The following AP3M2 variants were observed in gnomAD, a reference collection of about 807,000 sequenced individuals.
The protein encoded by AP3M2 is adaptor related protein complex 3 subunit mu 2.
A neutral mutation model predicts 41.6 loss-of-function variants in AP3M2; 28 were observed. The observed-to-expected ratio is 0.67, with a 90% confidence interval of 0.50 to 0.92. AP3M2 has a LOEUF of 0.92. Ranked by LOEUF, AP3M2 falls within the 40% of genes least tolerant of loss-of-function variation. The pLI, the probability that AP3M2 is intolerant of heterozygous loss-of-function variation, is 0.00. For missense variants in AP3M2, 427 were observed against 521.4 expected (o/e 0.82, Z 1.76); for synonymous variants, 193 against 186.4 (o/e 1.04, Z -0.29).
chr8:42,160,459 A>G (rs997685047), intron 3 of AP3M2, among the ~76,000 whole-genome samples: 5 of 152,186 alleles, frequency 3.3e-5, no homozygotes, highest in African/African-American at 1.2e-4. Flanking sequence ...AATATGGAAA[A>G]AATTAAGTCC....
At chr8:42,165,279 A>C in intron 5 of AP3M2, 123 bp downstream of exon 5, 1 of 1,438,706 alleles carries the variant, frequency 7.0e-7, no homozygotes, top group South Asian at 1.3e-5. Flanking sequence ...AGCTTGTCTC[A>C]GGCTTGAATT....
chr8:42,156,040 G>A lies in AP3M2; in HGVS notation c.273+1080G>A, dbSNP rs569579234. On this transcript the variant is annotated intron_variant, in intron 2 of 8. Transcript: ENST00000396926. The stretch of plus-strand genomic sequence containing the variant: ...ACCGGCCCCTTTGCACAGTGAAAAC[G>A]TAAGTATAAGTCCCAGTATGTGGAA... 5.4e-5 allele frequency: 19 copies of A among 351,416 alleles called. No individual in the cohort carries two copies. In the East Asian group the frequency reaches 7.3e-4, roughly 14 times the overall value. 21.8% of individuals were successfully genotyped at this position (351,416 alleles called of 1,614,324 possible). A position where few individuals can be genotyped will look rare whatever the true frequency, so the allele number is the denominator to read the frequency against.
chr8:42,166,934 T>G (rs1055101847), intron 6 of AP3M2: 2 of 525,608 alleles, frequency 3.8e-6, no homozygotes, highest in Non-Finnish European at 6.8e-6. Flanking sequence ...TGATTTTGTT[T>G]GTATTATTCA....
At position 42,161,073 on chromosome 8, in the gene AP3M2, C is replaced by T. The variant is rs143734891; in HGVS notation, c.446-1208C>T. ...TATCCAATACTTTAGGAGGCTGAGG[C>T]GGGAGGATCACTCATGCACAGGAGT... On this transcript the variant is annotated intron_variant, in intron 3 of 8. Transcript: ENST00000396926. Among the ~76,000 whole-genome samples the T allele has an allele frequency of 3.3e-3, 503 of 152,164 alleles. 8 individuals are homozygous for T. Among genetic ancestry groups the T allele is most frequent in the African/African-American group, 0.011 (473 of 41,514 alleles).
chr8:42,163,022 C>T (rs1022433224), intron 4 of AP3M2, among the ~76,000 whole-genome samples: 5 of 148,896 alleles, frequency 3.4e-5, no homozygotes, highest in African/African-American at 4.9e-5. Context: ...AAGTATTTGG[C>T]TCCCAGTTCT....
intron 4 of AP3M2, among the ~76,000 whole-genome samples, chr8:42,163,940 G>C (rs562318419): frequency 6.6e-6 from 1 of 152,210 alleles, no homozygotes; most frequent in Non-Finnish European, 1.5e-5. Context: ...AAGGAGGGCA[G>C]ATGTGAGTGA....
In AP3M2 at chr8:42,165,458, A is replaced by G. The variant is rs1804613843; in HGVS notation, c.701A>G (p.His234Arg). The change falls in exon 6 of 9, where the codon CAT becomes CGT. Residue 234 changes from histidine (H) to arginine (R), a missense_variant. Coordinates refer to ENST00000396926, the MANE Select transcript of AP3M2 (RefSeq NM_006803.4). ...NPRLLDDVSF[H>R]PCVRFKRWES... ...AGGTTGTTGGATGATGTCAGCTTCC[A>G]TCCTTGTGTTCGTTTCAAACGCTGG... 1 of 1,614,006 alleles carries G rather than the reference A, an allele frequency of 6.2e-7. No homozygotes were observed. Among genetic ancestry groups the G allele is most frequent in the African/African-American group, 1.3e-5 (1 of 74,904 alleles).
At position 42,170,219 on chromosome 8, in the gene AP3M2, G is replaced by A. The variant is rs912315645; in HGVS notation, c.*1158G>A. 6 of 152,164 alleles carry A rather than the reference G, an allele frequency of 3.9e-5. No homozygotes were observed. The highest frequency in any genetic ancestry group is 1.2e-4 in the African/African-American group (5 of 41,432). The allele number at this position is 152,164 out of a possible 1,614,324, so 9.4% of individuals were successfully genotyped here. A position where few individuals can be genotyped will look rare whatever the true frequency, so the allele number is the denominator to read the frequency against. ...GTGTGGTTGATCCTTGAAGCTGCTT[G>A]GTAAAGTTATCATTTCCTCAGTCTT... On this transcript the variant is annotated 3_prime_UTR_variant, in exon 9 of 9. Coordinates refer to ENST00000396926, the MANE Select transcript of AP3M2 (RefSeq NM_006803.4).
At chr8:42,162,971 A>AG (rs1804548265) in intron 4 of AP3M2, among the ~76,000 whole-genome samples, 1 of 146,938 alleles carries the variant, frequency 6.8e-6, no homozygotes, top group Non-Finnish European at 1.5e-5. Context: ...AAAAAAAAAA[A>AG]GTAACAAATT....
At chr8:42,158,209 A>G in intron 3 of AP3M2, 97 bp downstream of exon 3, 1 of 1,257,096 alleles carries the variant, frequency 8.0e-7, no homozygotes. Context: ...GTCTTTGGGG[A>G]TCTCAGGTGT....
At chr8:42,160,463 T>G (rs181083354) in intron 3 of AP3M2, among the ~76,000 whole-genome samples, 169 of 152,236 alleles carry the variant, frequency 1.1e-3, no homozygotes, top group African/African-American at 3.9e-3. Context: ...TGGAAAAAAT[T>G]AAGTCCCTCC....
chr8:42,164,924 GAAGGA>G (rs1485641081), intron 4 of AP3M2, 142 bp from the exon 5 acceptor site: 5 of 633,880 alleles, frequency 7.9e-6, no homozygotes, highest in Non-Finnish European at 8.0e-6. Context: ...TGGCTAGGCA[GAAGGA>G]AAGAAAGGGA....
chr8:42,164,621 C>T (rs565245784), intron 4 of AP3M2, among the ~76,000 whole-genome samples: 3 of 152,236 alleles, frequency 2.0e-5, no homozygotes, highest in South Asian at 4.1e-4. Context: ...TTGACAGTGA[C>T]ACATGCCACA....
At chr8:42,155,971 C>T in intron 2 of AP3M2, 1 of 455,984 alleles carries the variant, frequency 2.2e-6, no homozygotes, top group Non-Finnish European at 4.4e-6. Context: ...CCCTGCAATA[C>T]TCTGTAGTAC....
In AP3M2 at chr8:42,154,632, A is replaced by G. The variant is rs1804304497; in HGVS notation, c.-56A>G. 4.4e-6 allele frequency: 7 copies of G among 1,574,834 alleles called. No individual in the cohort carries two copies. The highest frequency in any genetic ancestry group is 1.2e-5 in the South Asian group (1 of 85,496). ...TGTTTTTAGAGTTGAAAACTTACAG[A>G]GTCCTGAGGCTTTCAGACTGAAAAA... On this transcript the variant is annotated 5_prime_UTR_variant, in exon 2 of 9. Coordinates refer to ENST00000396926, the MANE Select transcript of AP3M2 (RefSeq NM_006803.4).
At chr8:42,162,164 T>A in intron 3 of AP3M2, 117 bp from the exon 4 acceptor site, 1 of 1,050,702 alleles carries the variant, frequency 9.5e-7, no homozygotes. Context: ...CATCTTCTGT[T>A]TGAAAAATTC....
chr8:42,158,283 C>CT (rs1376245916), intron 3 of AP3M2, among the ~76,000 whole-genome samples, 171 bp downstream of exon 3: 1 of 148,448 alleles, frequency 6.7e-6, no homozygotes, highest in African/African-American at 2.5e-5. Context: ...GAGTCTCCCT[C>CT]TGTCACCCAG....
rs760713859 is a variant in AP3M2 at position 42,167,783 on chromosome 8, T to C, written c.1129T>C (p.Phe377Leu). 1.5e-5 allele frequency: 25 copies of C among 1,613,678 alleles called. No homozygotes were observed. The Admixed American group carries it at 4.0e-4, about 26-fold the overall frequency. Residue 377 changes from phenylalanine (F) to leucine (L), a missense_variant, in exon 8 of 9, where the codon TTT becomes CTT. By Grantham distance (22) the Phe-to-Leu change is conservative (BLOSUM62 0). This residue lies in a region of AP3M2 where 237 missense variants were observed against 284.9 expected (regional missense o/e 0.83). Transcript: ENST00000396926. ...PDENPTINLQ[F>L]KIQQLAISGL... ...TGAAAACCCCACAATTAACCTGCAG[T>C]TTAAGATCCAGCAGCTGGCCATTTC...
Position 42,167,332 on chromosome 8 carries a change from T to TCC in AP3M2, c.973_974dup (p.Ser326HisfsTer19). The TCC allele has an allele frequency of 6.2e-7, 1 of 1,614,148 alleles. No homozygotes were observed. The highest frequency in any genetic ancestry group is 8.5e-7 in the Non-Finnish European group (1 of 1,180,032). ...AGGGGGTCCTGAACATGAGCCTTAC[T>TCC]CCATCACAGGGGACACACACATTCG... On this transcript the variant is annotated frameshift_variant, in exon 7 of 9. Transcript: ENST00000396926. LOFTEE classifies it high-confidence loss of function.
Sources: allele counts gnomAD v4.1 joint callset (sites outside exome capture counted in the v4.1 genomes callset), GRCh38; gene constraint gnomAD v4.1.1; regional missense constraint gnomAD v4.1.1; transcripts MANE v1.5; gene names NCBI Gene and HGNC (gene_info 2026-07-23, HGNC 2026-07-21).